Variants in NCAM1 observed in about 807,000 individuals in gnomAD.
The protein encoded by NCAM1 is antigen recognized by monoclonal antibody 5.1H11.
A neutral mutation model predicts 109.8 loss-of-function variants in NCAM1; 14 were observed. That is an observed-to-expected ratio of 0.13 (90% CI 0.08 to 0.20). NCAM1 has a LOEUF of 0.20. Ranked by LOEUF, NCAM1 falls within the 10% of genes least tolerant of loss-of-function variation. The probability of loss-of-function intolerance (pLI) is 1.00; values close to 1 mark genes in which losing one functional copy is unlikely to be tolerated. For synonymous variants in NCAM1, 418 were observed against 442.9 expected (o/e 0.94, Z 0.70); for missense variants, 774 against 1,109.9 (o/e 0.70, Z 4.30).
intron 1 of NCAM1, among the ~76,000 whole-genome samples, chr11:113,054,732 C>T (rs1442343152): frequency 6.6e-6 from 1 of 152,076 alleles, no homozygotes; most frequent in Non-Finnish European, 1.5e-5. Context: ...GATGGAAAGT[C>T]AGAAGTCATT....
At chr11:112,993,006 A>G (rs1344539005) in intron 1 of NCAM1, among the ~76,000 whole-genome samples, 2 of 152,126 alleles carry the variant, frequency 1.3e-5, no homozygotes, top group African/African-American at 2.4e-5. Flanking sequence ...CTAAATTTTC[A>G]TTTCCCAAAA....
At chr11:113,232,589 G>A in intron 11 of NCAM1, 129 bp from the exon 12 acceptor site, 1 of 850,096 alleles carries the variant, frequency 1.2e-6, no homozygotes, top group Non-Finnish European at 1.9e-6. Context: ...CTTGTTTAAG[G>A]CTGGGCTGGA....
intron 1 of NCAM1, among the ~76,000 whole-genome samples, chr11:113,188,094 T>C (rs1246415637): frequency 6.6e-6 from 1 of 152,226 alleles, no homozygotes; most frequent in African/African-American, 2.4e-5. Flanking sequence ...TCTGTCTGTT[T>C]GCCAGTCCTG....
chr11:113,164,091 T>C (rs1203815425), intron 1 of NCAM1, among the ~76,000 whole-genome samples: 2 of 152,138 alleles, frequency 1.3e-5, no homozygotes, highest in African/African-American at 4.8e-5. Context: ...TGCCTCTGGG[T>C]ACATGCTCTG....
At chr11:113,043,560 C>T (rs924021977) in intron 1 of NCAM1, among the ~76,000 whole-genome samples, 4 of 152,306 alleles carry the variant, frequency 2.6e-5, no homozygotes, top group Admixed American at 6.5e-5. Flanking sequence ...TGGTCTCGAA[C>T]TCCTGACCTA....
At chr11:113,235,614 A>G (rs1945142774) in intron 14 of NCAM1, among the ~76,000 whole-genome samples, 1 of 152,220 alleles carries the variant, frequency 6.6e-6, no homozygotes, top group Non-Finnish European at 1.5e-5. Flanking sequence ...ATATTAAGTC[A>G]GAGACAAATG....
intron 1 of NCAM1, among the ~76,000 whole-genome samples, chr11:113,161,919 AT>A (rs1415600237): frequency 4.0e-5 from 6 of 151,866 alleles, no homozygotes; most frequent in East Asian, 1.9e-4. Flanking sequence ...CCCTGAACTG[AT>A]TTTTTTTCCC....
At chr11:113,229,980 G>A (rs1591439450) in intron 9 of NCAM1, among the ~76,000 whole-genome samples, 1 of 152,046 alleles carries the variant, frequency 6.6e-6, no homozygotes, top group African/African-American at 2.4e-5. Context: ...TATACCTAAT[G>A]TAAATGACGA....
rs1776005062 is a variant in NCAM1 at position 113,061,906 on chromosome 11, T to C, written c.52+100242T>C. ...TTACAACCCCCTGATTTTCCTTGGA[T>C]TAATTAACTTGACAAAAGTAGATAG... On this transcript the variant is annotated intron_variant, in intron 1 of 19. Transcript: ENST00000316851. Among the ~76,000 whole-genome samples the C allele has an allele frequency of 2.0e-5, 3 of 152,128 alleles. No homozygotes were observed. In the South Asian group the frequency reaches 6.2e-4, roughly 32 times the overall value.
intron 1 of NCAM1, among the ~76,000 whole-genome samples, chr11:113,193,344 A>G (rs1943746872): frequency 2.0e-5 from 3 of 152,150 alleles, no homozygotes. Context: ...CTGCCCATTA[A>G]GATGCTCCAG....
chr11:113,151,430 T>C (rs782320902), intron 1 of NCAM1, among the ~76,000 whole-genome samples: 1 of 152,192 alleles, frequency 6.6e-6, no homozygotes, highest in Admixed American at 6.5e-5. Flanking sequence ...AGTGAAAATA[T>C]ACTCACTCCT....
intron 1 of NCAM1, among the ~76,000 whole-genome samples, chr11:113,126,296 TGTGTGCTTTCCA>T (rs1199751740): frequency 1.3e-5 from 2 of 152,144 alleles, no homozygotes; most frequent in Non-Finnish European, 2.9e-5. Flanking sequence ...GGCCCTGTGC[TGTGTGCTTTCCA>T]GTATCAGCTC....
chr11:113,259,314 G>A (rs1945918636), intron 16 of NCAM1, among the ~76,000 whole-genome samples: 1 of 152,038 alleles, frequency 6.6e-6, no homozygotes, highest in Non-Finnish European at 1.5e-5. Context: ...GCCTCCCAAA[G>A]TGCTGGGATT....
At chr11:113,048,669 A>C (rs1195467673) in intron 1 of NCAM1, among the ~76,000 whole-genome samples, 1 of 152,124 alleles carries the variant, frequency 6.6e-6, no homozygotes, top group African/African-American at 2.4e-5. Context: ...TCCATGGTCT[A>C]GTGTTAAGGA....
chr11:113,159,654 C>T (rs1048518745), intron 1 of NCAM1, among the ~76,000 whole-genome samples: 6 of 151,598 alleles, frequency 4.0e-5, no homozygotes, highest in African/African-American at 9.7e-5. Context: ...TTCCTTTTAT[C>T]GTTTTCTTTA....
At chr11:113,119,003 G>A (rs1456983318) in intron 1 of NCAM1, among the ~76,000 whole-genome samples, 2 of 151,780 alleles carry the variant, frequency 1.3e-5, no homozygotes, top group African/African-American at 4.9e-5. Context: ...ATTAATAGAA[G>A]AACATTAAAA....
chr11:113,030,218 C>T (rs1952673624), intron 1 of NCAM1, among the ~76,000 whole-genome samples: 2 of 152,166 alleles, frequency 1.3e-5, no homozygotes, highest in South Asian at 4.1e-4. Context: ...AACCCAATGC[C>T]TGGATTATAA....
intron 9 of NCAM1, among the ~76,000 whole-genome samples, chr11:113,228,741 A>T (rs1944919570): frequency 6.6e-6 from 1 of 152,206 alleles, no homozygotes; most frequent in African/African-American, 2.4e-5. Context: ...AGAGATACAG[A>T]CCAATGGAAC....
chr11:113,142,518 C>A (rs1267331392), intron 1 of NCAM1, among the ~76,000 whole-genome samples: 5 of 152,124 alleles, frequency 3.3e-5, no homozygotes, highest in Non-Finnish European at 7.4e-5. Context: ...GGGACAGGTA[C>A]CAGTGTGTTT....
Sources: gnomAD v4.1 joint callset for allele counts (sites outside exome capture counted in the v4.1 genomes callset) on GRCh38, gnomAD v4.1.1 for gene constraint, MANE v1.5 for transcripts, NCBI Gene and HGNC (gene_info 2026-07-23, HGNC 2026-07-21) for gene names.